MIA2: variants seen among roughly 807,000 people sequenced by gnomAD.
MIA2 encodes MIA SH3 domain ER export factor 2.
MIA2 carries 127 observed loss-of-function variants against 167.8 expected under a neutral mutation model. The observed-to-expected ratio is 0.76, with a 90% CI of 0.66 to 0.88. The LOEUF (loss-of-function observed/expected upper bound fraction) is 0.88, where lower values mean the gene tolerates loss of function less well. Ranked by LOEUF, MIA2 falls within the 40% of genes least tolerant of loss-of-function variation. The pLI, the probability that MIA2 is intolerant of heterozygous loss-of-function variation, is 0.00. For missense variants in MIA2, 1,690 were observed against 1,624.7 expected (o/e 1.04, Z -0.69); for synonymous variants, 552 against 541.9 (o/e 1.02, Z -0.26).
intron 14 of MIA2, among the ~76,000 whole-genome samples, chr14:39,301,510 G>A (rs1013304246): frequency 6.6e-6 from 1 of 152,210 alleles, no homozygotes; most frequent in African/African-American, 2.4e-5. Context: ...TCTGAAGAGA[G>A]GGAGGAGATC....
At chr14:39,360,848 G>T (rs1039639945) in intron 23 of MIA2, among the ~76,000 whole-genome samples, 2 of 152,094 alleles carry the variant, frequency 1.3e-5, no homozygotes, top group Admixed American at 1.3e-4. Flanking sequence ...GAGAGATAAG[G>T]GTCTGGTTTC....
downstream of MIA2, among the ~76,000 whole-genome samples, chr14:39,353,842 G>A (rs375462422): frequency 3.9e-5 from 6 of 152,142 alleles, no homozygotes; most frequent in East Asian, 9.6e-4. Flanking sequence ...GCGATAGTTT[G>A]CTGAGAATGT....
At chr14:39,336,715 C>T (rs1294473878) in intron 25 of MIA2, among the ~76,000 whole-genome samples, 1 of 152,160 alleles carries the variant, frequency 6.6e-6, no homozygotes, top group East Asian at 1.9e-4. Flanking sequence ...CTGGTTTTCA[C>T]TCCTTTATCT....
In MIA2 at chr14:39,359,918, A is replaced by G. The variant is rs2074636598; in HGVS notation, c.2248+10941A>G. Among the ~76,000 whole-genome samples the G allele has an allele frequency of 3.3e-5, 5 of 151,824 alleles. No individual in the cohort carries two copies. The South Asian group carries it at 1.0e-3, about 31-fold the overall frequency. On this transcript the variant is annotated intron_variant, in intron 23 of 23. Coordinates refer to the MIA2 transcript ENST00000341502. ...CTGAGAAATCTCCATACTCTTTGCC[A>G]TAGTGGTTATACTAATTTACATTCC...
intron 17 of MIA2, among the ~76,000 whole-genome samples, chr14:39,307,181 G>GT (rs2063473518): frequency 6.6e-6 from 1 of 151,866 alleles, no homozygotes. Context: ...AAGAGAGAAA[G>GT]TTTTTACTAG....
At chr14:39,255,147 T>G (rs985559428) in intron 6 of MIA2, among the ~76,000 whole-genome samples, 2 of 152,146 alleles carry the variant, frequency 1.3e-5, no homozygotes, top group African/African-American at 4.8e-5. Flanking sequence ...ATAAATAAGC[T>G]TAGAGAAATC....
intron 3 of MIA2, among the ~76,000 whole-genome samples, chr14:39,241,493 C>T (rs1323829436): frequency 7.2e-5 from 11 of 152,150 alleles, no homozygotes; most frequent in African/African-American, 2.7e-4. Context: ...GCACCATCAT[C>T]TCTTGGCTGG....
At chr14:39,354,718 A>G (rs1255178622), downstream of MIA2, among the ~76,000 whole-genome samples, 1 of 152,162 alleles carries the variant, frequency 6.6e-6, no homozygotes, top group African/African-American at 2.4e-5. Flanking sequence ...TCTTTAATCC[A>G]TCTTGAATTA....
chr14:39,345,958 C>G lies in MIA2; in HGVS notation c.3710C>G (p.Ser1237Cys). 8 of 1,611,754 alleles carry G rather than the reference C, an allele frequency of 5.0e-6. No homozygotes were observed. Among genetic ancestry groups the G allele is most frequent in the Non-Finnish European group, 6.8e-6 (8 of 1,178,398 alleles). The change falls in exon 26 of 29, where the codon TCT (serine) becomes TGT (cysteine). Residue 1237 changes from serine (S) to cysteine (C), a missense_variant. Transcript: ENST00000640607. The stretch of plus-strand genomic sequence containing the variant: ...CCACAAAGGCAAGACAGATTTTGTT[C>G]TAATTCTGGTAGACTGTCTGGACCA... ...LPPQRQDRFC[S>C]NSGRLSGPAE...
At chr14:39,380,690 TCAA>T (rs1567062091) in intron 23 of MIA2, among the ~76,000 whole-genome samples, 1 of 36,072 alleles carries the variant, frequency 2.8e-5, no homozygotes, top group Non-Finnish European at 4.4e-5. Context: ...AGACTCAGAC[TCAA>T]AAAAAAAAAA....
intron 23 of MIA2, among the ~76,000 whole-genome samples, chr14:39,370,939 G>C (rs1486638289): frequency 6.6e-6 from 1 of 152,204 alleles, no homozygotes; most frequent in South Asian, 2.1e-4. Flanking sequence ...CACCAAAGCA[G>C]AATTGCATTT....
intron 6 of MIA2, among the ~76,000 whole-genome samples, chr14:39,254,376 G>A (rs1192589564): frequency 6.6e-6 from 1 of 152,128 alleles, no homozygotes; most frequent in East Asian, 1.9e-4. Flanking sequence ...TAGATGATGG[G>A]GCACTATTGA....
rs920044887 is a variant in MIA2, at chr14:39,236,112, A to C, written c.116-810A>C. Among the ~76,000 whole-genome samples the C allele has an allele frequency of 2.0e-5, 3 of 152,144 alleles. No individual in the cohort carries two copies. The East Asian group carries it at 5.8e-4, about 29-fold the overall frequency. On this transcript the variant is annotated intron_variant, in intron 1 of 28. Transcript: ENST00000640607. Reference sequence around the variant, plus strand: ...ATGCATGTAAGGGAAATCAGATGAGATGTAAGATAAGTTTCTTCCCCTTCA... The same window carrying C: ...ATGCATGTAAGGGAAATCAGATGAGCTGTAAGATAAGTTTCTTCCCCTTCA...
chr14:39,238,888 G>A (rs2053917702), intron 2 of MIA2, among the ~76,000 whole-genome samples: 1 of 151,084 alleles, frequency 6.6e-6, no homozygotes, highest in Non-Finnish European at 1.5e-5. Context: ...TTCCTAGAAG[G>A]TTAAATCATC....
intron 9 of MIA2, among the ~76,000 whole-genome samples, chr14:39,288,587 G>C (rs2060282176): frequency 6.7e-6 from 1 of 149,364 alleles, no homozygotes; most frequent in Non-Finnish European, 1.5e-5. Context: ...CGATTCTCCT[G>C]CCTCAGCCAC....
At chr14:39,377,452 GAAGGAAAAGAAAT>G (rs1406576519) in intron 23 of MIA2, among the ~76,000 whole-genome samples, 2 of 152,016 alleles carry the variant, frequency 1.3e-5, no homozygotes, top group South Asian at 2.1e-4. Context: ...TGGAAAAAAA[GAAGGAAAAGAAAT>G]AAGGAAAAGA....
chr14:39,348,106 C>T (rs1275928530), intron 27 of MIA2, among the ~76,000 whole-genome samples: 1 of 152,184 alleles, frequency 6.6e-6, no homozygotes, highest in Non-Finnish European at 1.5e-5. Context: ...AGCTGCTGCG[C>T]CTGGCCCTGA....
At position 39,288,450 on chromosome 14, in the gene MIA2, TATATATATATATATATATATATATA is replaced by T. The variant is rs1338758143; in HGVS notation, c.2131-2568_2131-2544del. Among the ~76,000 whole-genome samples the T allele has an allele frequency of 8.9e-3, 225 of 25,320 alleles. 22 individuals carry two copies. The highest frequency in any genetic ancestry group is 0.081 in the South Asian group (57 of 704). The allele number at this position is 25,320 out of a possible 152,430, so 16.6% of individuals were successfully genotyped here. A position where few individuals can be genotyped will look rare whatever the true frequency, so the allele number is the denominator to read the frequency against. ...TATTATACATATATATATATATATA[TATATATATATATATATATATATATA>T]TTTTTTTTTTTTTTTTTGAGACGGA... On this transcript the variant is annotated intron_variant, in intron 9 of 28. Transcript: ENST00000640607.
At chr14:39,335,461 T>C (rs2070146568) in intron 25 of MIA2, among the ~76,000 whole-genome samples, 2 of 152,186 alleles carry the variant, frequency 1.3e-5, no homozygotes, top group African/African-American at 4.8e-5. Flanking sequence ...AGTTCCATAT[T>C]TACAAGGAAT....
Sources: gnomAD v4.1 joint callset for allele counts (sites outside exome capture counted in the v4.1 genomes callset) on GRCh38, gnomAD v4.1.1 for gene constraint, MANE v1.5 for transcripts, NCBI Gene and HGNC (gene_info 2026-07-23, HGNC 2026-07-21) for gene names.